Variants in DGKG observed in about 807,000 individuals in gnomAD.
DGKG encodes the protein DAG kinase gamma.
In DGKG, 78 loss-of-function variants were observed where a neutral mutation model predicts 105.3. The observed-to-expected ratio is 0.74, with a 90% confidence interval of 0.62 to 0.89. DGKG has a LOEUF of 0.89. Among genes scored for constraint, DGKG ranks in the 40% least tolerant of loss-of-function variants. The pLI, the probability that DGKG is intolerant of heterozygous loss-of-function variation, is 0.00. For missense variants in DGKG, 958 were observed against 1,020.1 expected (o/e 0.94, Z 0.83); for synonymous variants, 346 against 367.1 (o/e 0.94, Z 0.66).
chr3:186,276,473 A>G (rs1050676098), intron 9 of DGKG, among the ~76,000 whole-genome samples: 2 of 152,234 alleles, frequency 1.3e-5, no homozygotes, highest in African/African-American at 4.8e-5. Context: ...AATGTTTTAC[A>G]GTGTGCATGT....
rs573742704 is a variant in DGKG at position 186,173,697 on chromosome 3, T to C, written c.2096-8679A>G. The stretch of plus-strand genomic sequence containing the variant: ...GTCTGCACAGATGAAACACTGCTCC[T>C]GGCGAAAGAGCTTCAAAGTGCAGCT... On this transcript the variant is annotated intron_variant, in intron 22 of 24. Coordinates refer to ENST00000265022, the MANE Select transcript of DGKG (RefSeq NM_001346.3). 3.9e-5 allele frequency among the ~76,000 whole-genome samples: 6 copies of C among 152,368 alleles called. No homozygotes were observed. In the South Asian group the frequency reaches 1.2e-3, roughly 32 times the overall value.
intron 1 of DGKG, among the ~76,000 whole-genome samples, chr3:186,333,978 G>A (rs982223537): frequency 2.0e-5 from 3 of 152,138 alleles, no homozygotes; most frequent in Non-Finnish European, 2.9e-5. Flanking sequence ...AGGAACTTGA[G>A]GTCAGCCATC....
chr3:186,267,529 T>C (rs1397741358), intron 13 of DGKG, 156 bp downstream of exon 13: 3 of 620,154 alleles, frequency 4.8e-6, no homozygotes, highest in Non-Finnish European at 8.7e-6. Flanking sequence ...ATGTACTCTC[T>C]AACCTAAAAT....
chr3:186,252,964 G>A (rs897817683), intron 18 of DGKG, 129 bp downstream of exon 18: 22 of 742,416 alleles, frequency 3.0e-5, no homozygotes, highest in Non-Finnish European at 4.4e-5. Context: ...GACTTGACAT[G>A]ACTGCAGAGT....
chr3:186,233,260 C>T (rs977479928), intron 20 of DGKG, among the ~76,000 whole-genome samples: 6 of 151,982 alleles, frequency 3.9e-5, no homozygotes, highest in African/African-American at 9.7e-5. Context: ...GTCAGGGGGA[C>T]GCCATATGAG....
chr3:186,316,163 CTG>C (rs1174902375), intron 2 of DGKG, among the ~76,000 whole-genome samples: 1 of 152,256 alleles, frequency 6.6e-6, no homozygotes, highest in Non-Finnish European at 1.5e-5. Context: ...GGTCCAAACA[CTG>C]TGGAGCAGAG....
In DGKG at chr3:186,263,135, A is replaced by AAAACAAACAAAC. The variant is rs113732220; in HGVS notation, c.1270-1369_1270-1358dup. Among the ~76,000 whole-genome samples, 1,428 of 149,858 alleles carry AAAACAAACAAAC rather than the reference A, an allele frequency of 9.5e-3. 10 individuals carry two copies. The highest frequency in any genetic ancestry group is 0.038 in the Middle Eastern group (11 of 292). Reference sequence around the variant, plus strand: ...GAGCAAGACTCCGTCTCGGAAAAGAAAAACAAACAAACAAACAAACAAACA... The same window carrying AAAACAAACAAAC: ...GAGCAAGACTCCGTCTCGGAAAAGAAAAACAAACAAACAAACAAACAAACAAACAAACAAACA... On this transcript the variant is annotated intron_variant, in intron 14 of 24. Coordinates refer to ENST00000265022, the MANE Select transcript of DGKG (RefSeq NM_001346.3).
intron 1 of DGKG, among the ~76,000 whole-genome samples, chr3:186,339,970 G>A (rs993682060): frequency 1.1e-4 from 16 of 152,178 alleles, no homozygotes; most frequent in Non-Finnish European, 8.8e-5. Flanking sequence ...TTACACAGTA[G>A]GATTAAAGAT....
intron 7 of DGKG, among the ~76,000 whole-genome samples, chr3:186,282,482 C>T (rs774460795): frequency 5.3e-5 from 8 of 152,230 alleles, no homozygotes; most frequent in Non-Finnish European, 1.2e-4. Flanking sequence ...CTGTACAAGT[C>T]TACACCATTT....
At chr3:186,278,110 A>G (rs1017330634) in intron 9 of DGKG, among the ~76,000 whole-genome samples, 6 of 152,168 alleles carry the variant, frequency 3.9e-5, no homozygotes, top group Non-Finnish European at 7.4e-5. Context: ...CTGAGGAAGT[A>G]GATGGGCTCT....
chr3:186,299,135 C>T (rs1245175143), intron 3 of DGKG, among the ~76,000 whole-genome samples: 2 of 152,204 alleles, frequency 1.3e-5, no homozygotes, highest in Non-Finnish European at 2.9e-5. Flanking sequence ...GCTTTGATGG[C>T]ATCAGATTCT....
chr3:186,250,146 G>A (rs1721136211), intron 19 of DGKG, among the ~76,000 whole-genome samples: 1 of 152,180 alleles, frequency 6.6e-6, no homozygotes, highest in Admixed American at 6.5e-5. Flanking sequence ...TCTGTAGAGT[G>A]AGATGAGCAG....
Position 186,261,694 on chromosome 3 carries a change from C to T in DGKG, c.1349+5G>A, listed in dbSNP as rs772763341. Reference sequence around the variant, plus strand: ...TGCTCCACTTTGAAACAGAAGAGAACGTACCTTTCTCCTTGTCTCCCTCCA... The same window carrying T: ...TGCTCCACTTTGAAACAGAAGAGAATGTACCTTTCTCCTTGTCTCCCTCCA... On this transcript the variant is annotated splice_donor_5th_base_variant and intron_variant, in intron 15 of 24. Transcript: ENST00000265022. 95 of 1,595,368 alleles carry T rather than the reference C, an allele frequency of 6.0e-5. No homozygotes were observed. The highest frequency in any genetic ancestry group is 8.5e-5 in the Admixed American group (5 of 58,964).
At chr3:186,178,081 C>A (rs976490377) in intron 22 of DGKG, among the ~76,000 whole-genome samples, 1 of 152,168 alleles carries the variant, frequency 6.6e-6, no homozygotes, top group African/African-American at 2.4e-5. Context: ...CATCCATCCG[C>A]AAACCAGGAA....
intron 2 of DGKG, among the ~76,000 whole-genome samples, chr3:186,317,770 C>T (rs1052938446): frequency 3.6e-4 from 55 of 152,168 alleles, no homozygotes; most frequent in African/African-American, 1.2e-3. Flanking sequence ...CTGCAGCACC[C>T]GTGCTTGAGT....
At chr3:186,331,880 T>C (rs1234741913) in intron 1 of DGKG, among the ~76,000 whole-genome samples, 1 of 152,260 alleles carries the variant, frequency 6.6e-6, no homozygotes, top group African/African-American at 2.4e-5. Flanking sequence ...ACTTCATCTG[T>C]AATAGTCACC....
chr3:186,236,333 T>C (rs978739855), intron 20 of DGKG, among the ~76,000 whole-genome samples: 1 of 152,250 alleles, frequency 6.6e-6, no homozygotes, highest in African/African-American at 2.4e-5. Context: ...TTATTGTCAA[T>C]ACTTTATCGT....
chr3:186,279,647 A>T (rs1249581984), intron 9 of DGKG: 1 of 492,082 alleles, frequency 2.0e-6, no homozygotes, highest in African/African-American at 2.0e-5. Context: ...TTAAAGTAGT[A>T]ATAATGTAGT....
rs1578684062 is a variant in DGKG at position 186,221,139 on chromosome 3, C to T, written c.1827-9254G>A. On this transcript the variant is annotated intron_variant, in intron 20 of 24. Transcript: ENST00000265022. ...TGAGGCCAGAGAGTCTCTCCAAAGG[C>T]CCAGCAGCCTGACTGGAGAATGGCC... is the stretch of plus-strand genomic sequence containing the variant. 2.0e-5 allele frequency among the ~76,000 whole-genome samples: 3 copies of T among 152,194 alleles called. No individual in the cohort carries two copies. In the South Asian group the frequency reaches 6.2e-4, roughly 32 times the overall value.
Sources: gnomAD v4.1 joint callset for allele counts (sites outside exome capture counted in the v4.1 genomes callset) on GRCh38, gnomAD v4.1.1 for gene constraint, MANE v1.5 for transcripts, NCBI Gene and HGNC (gene_info 2026-07-23, HGNC 2026-07-21) for gene names.